The following GAS2L2 variants were observed in gnomAD, a reference collection of about 807,000 sequenced individuals.
GAS2L2 encodes GAS2-like protein 2.
Under a neutral mutation model 35.2 loss-of-function variants are expected in GAS2L2, and 21 were observed. The ratio of observed to expected loss-of-function variants is 0.60; its 90% CI spans 0.42 to 0.86. The LOEUF (loss-of-function observed/expected upper bound fraction) is 0.86, where lower values mean the gene tolerates loss of function less well. GAS2L2 is among the 40% of genes least tolerant of loss of function. The pLI is 0.00. For synonymous variants in GAS2L2, 490 were observed against 473.2 expected (o/e 1.04, Z -0.46); for missense variants, 1,169 against 1,144.4 (o/e 1.02, Z -0.31).
rs782503326 is a variant in GAS2L2 at position 35,746,302 on chromosome 17, A to C, written c.1195T>G (p.Ser399Ala). 5.1e-5 allele frequency: 73 copies of C among 1,421,608 alleles called. No individual in the cohort carries two copies. The highest frequency in any genetic ancestry group is 6.4e-5 in the Non-Finnish European group (69 of 1,084,218). The allele number at this position is 1,421,608 out of a possible 1,614,324, so 88.1% of individuals were successfully genotyped here. A position where few individuals can be genotyped will look rare whatever the true frequency, so the allele number is the denominator to read the frequency against. Reference protein sequence around the residue: ...TQKGRDPQCTSSGKREERYPP... With the variant: ...TQKGRDPQCTASGKREERYPP... ...TATCTCTCCTCCCTCTTTCCTGACG[A>C]GGTACACTGTGGGTCTCGGCCTTTT... The change falls in exon 6 of 6, where the codon TCG becomes GCG. Residue 399 changes from serine (S) to alanine (A), a missense_variant. Physicochemically the swap from Ser to Ala is moderately conservative, Grantham distance 99. This residue lies in a region of GAS2L2 where 1,035 missense variants were observed against 976.5 expected (regional missense o/e 1.06). Coordinates refer to ENST00000604641, the MANE Select transcript of GAS2L2 (RefSeq NM_139285.4).
Position 35,746,194 on chromosome 17 carries a change from G to A in GAS2L2, c.1303C>T (p.Pro435Ser). ...ATGGCTCGGAGTCTTTGTGGGGTGGGGTTCCCGGCGTCGGTTCCCCAGCTG... is the reference window on the plus strand; with the variant it reads ...ATGGCTCGGAGTCTTTGTGGGGTGGAGTTCCCGGCGTCGGTTCCCCAGCTG... ...TDSWGTDAGN[P>S]TPQRLRAIEA... Residue 435 changes from proline (P) to serine (S), a missense_variant, in exon 6 of 6, where the codon CCC becomes TCC. Pro to Ser is a moderately conservative substitution (Grantham distance 74). Coordinates refer to ENST00000604641, the MANE Select transcript of GAS2L2 (RefSeq NM_139285.4). 1 of 1,479,702 alleles carries A rather than the reference G, an allele frequency of 6.8e-7. No homozygotes were observed. 91.7% of individuals were successfully genotyped at this position (1,479,702 alleles called of 1,614,324 possible). A position where few individuals can be genotyped will look rare whatever the true frequency, so the allele number is the denominator to read the frequency against.
chr17:35,750,267 T>C lies in GAS2L2; in HGVS notation c.437A>G (p.Asn146Ser). 6.2e-7 allele frequency: 1 copy of C among 1,613,552 alleles called. No homozygotes were observed. The highest frequency in any genetic ancestry group is 2.2e-5 in the East Asian group (1 of 44,872). ...CAGCTCCAGCAAACACAGCACCACG[T>C]TCTTCACGTTCTTGCGCAGCACCAA... Reference protein sequence around the residue: ...EDLVLRKNVKNVVLCLLELGR... With the variant: ...EDLVLRKNVKSVVLCLLELGR... Residue 146 changes from asparagine (N) to serine (S), a missense_variant, in exon 2 of 6, where the codon AAC becomes AGC. Transcript: ENST00000604641.
At position 35,747,234 on chromosome 17, in the gene GAS2L2, G is replaced by A; in HGVS notation, c.867C>T (p.Ala289=). 1 of 1,612,954 alleles carries A rather than the reference G, an allele frequency of 6.2e-7. No homozygotes were observed. The highest frequency in any genetic ancestry group is 8.5e-7 in the Non-Finnish European group (1 of 1,179,398). The part of the protein sequence containing the change: ...HKPGSFLKPP[A]PPVQHEVRVQ... ...CCCTTACTTCATGCTGCACTGGTGG[G>A]GCCGGGGGCTTCAGGAAGCTGCCTG... is the stretch of plus-strand genomic sequence containing the variant. The change falls in exon 5 of 6, where the codon GCC becomes GCT. Residue 289 remains alanine (A), a synonymous_variant. Transcript: ENST00000604641.
intron 5 of GAS2L2, among the ~76,000 whole-genome samples, chr17:35,746,724 C>T (rs1157588707): frequency 6.6e-6 from 1 of 152,142 alleles, no homozygotes; most frequent in African/African-American, 2.4e-5. Flanking sequence ...AGTGGAGAGA[C>T]AGAGGGGAAT....
In GAS2L2 at chr17:35,752,817, T is replaced by C; in HGVS notation, c.34A>G (p.Arg12Gly). The change falls in exon 1 of 6, where the codon AGG becomes GGG. Residue 12 changes from arginine to glycine, a missense_variant. Arg to Gly is a moderately radical substitution (Grantham distance 125, BLOSUM62 -2). Coordinates refer to ENST00000604641, the MANE Select transcript of GAS2L2 (RefSeq NM_139285.4). ...CTGCACACAGGCGGCCCTAGGGTCCTGGGCTTCCTCCTGCCTCCCGCAGGC... is the reference window on the plus strand; with the variant it reads ...CTGCACACAGGCGGCCCTAGGGTCCCGGGCTTCCTCCTGCCTCCCGCAGGC... ...SQPAGGRRKPRTLGPPVCSIR... is the reference protein window; with the variant it reads ...SQPAGGRRKPGTLGPPVCSIR... The C allele has an allele frequency of 6.2e-7, 1 of 1,603,768 alleles. No homozygotes were observed. Among genetic ancestry groups the C allele is most frequent in the Non-Finnish European group, 8.5e-7 (1 of 1,172,426 alleles).
rs1175989170 is a variant in GAS2L2 at position 35,745,958 on chromosome 17, TGGG to T, written c.1536_1538del (p.Pro513del). 1 of 1,606,350 alleles carries T rather than the reference TGGG, an allele frequency of 6.2e-7. No homozygotes were observed. The highest frequency in any genetic ancestry group is 8.5e-7 in the Non-Finnish European group (1 of 1,174,826). On this transcript the variant is annotated inframe_deletion, in exon 6 of 6. Coordinates refer to ENST00000604641, the MANE Select transcript of GAS2L2 (RefSeq NM_139285.4). Reference sequence around the variant, plus strand: ...CACCAGGAAAGCTCCTTCCTGGTGTTGGGGGGCGAGCAGGGGGCAGCCGGATGG... The same window carrying T: ...CACCAGGAAAGCTCCTTCCTGGTGTTGGGCGAGCAGGGGGCAGCCGGATGG...
At position 35,753,123 on chromosome 17, in the gene GAS2L2, G is replaced by T. The variant is rs759436229; in HGVS notation, c.-273C>A. On this transcript the variant is annotated 5_prime_UTR_variant, in exon 1 of 6. Coordinates refer to ENST00000604641, the MANE Select transcript of GAS2L2 (RefSeq NM_139285.4). ...GCTCTCAGGCTGCCCAGTCCACTTG[G>T]AGTTCACCCCTCTGAGGCCAGATGG... Among the ~76,000 whole-genome samples the T allele has an allele frequency of 9.9e-4, 150 of 152,276 alleles. No homozygotes were observed. Among genetic ancestry groups the T allele is most frequent in the Non-Finnish European group, 1.8e-3 (123 of 68,028 alleles).
At chr17:35,751,952 G>A (rs1555599838) in intron 1 of GAS2L2, among the ~76,000 whole-genome samples, 1 of 148,144 alleles carries the variant, frequency 6.8e-6, no homozygotes, top group East Asian at 2.0e-4. Context: ...TGCCTCCTGG[G>A]TTCAGGCAAT....
At chr17:35,751,616 C>T (rs2085703648) in intron 1 of GAS2L2, among the ~76,000 whole-genome samples, 1 of 150,148 alleles carries the variant, frequency 6.7e-6, no homozygotes, top group South Asian at 2.1e-4. Context: ...TGCAGTGAGC[C>T]AAGATCGAAC....
intron 1 of GAS2L2, among the ~76,000 whole-genome samples, chr17:35,751,666 T>C (rs1178431764): frequency 1.5e-5 from 2 of 135,720 alleles, no homozygotes; most frequent in African/African-American, 5.4e-5. Flanking sequence ...AGACTCAGTT[T>C]CAAAAAAAAA....
chr17:35,747,916 T>A lies in GAS2L2; in HGVS notation c.765A>T (p.Val255=), dbSNP rs1555599258. The stretch of plus-strand genomic sequence containing the variant: ...GGCCCAGTGTGTCCCAGCCGCCCCC[T>A]ACACGTACCATCACATGGTTCCGGA... ...RILRNHVMVR[V]GGGWDTLGHY... Residue 255 remains valine, a synonymous_variant, in exon 4 of 6, where the codon GTA becomes GTT. Coordinates refer to ENST00000604641, the MANE Select transcript of GAS2L2 (RefSeq NM_139285.4). 6.2e-7 allele frequency: 1 copy of A among 1,613,830 alleles called. No individual in the cohort carries two copies. Among genetic ancestry groups the A allele is most frequent in the Admixed American group, 1.7e-5 (1 of 59,994 alleles).
chr17:35,751,497 A>G (rs925250401), intron 1 of GAS2L2, among the ~76,000 whole-genome samples: 3 of 151,980 alleles, frequency 2.0e-5, no homozygotes, highest in Non-Finnish European at 4.4e-5. Flanking sequence ...GTGAAACCCC[A>G]TTTCTACTAA....
chr17:35,752,890 C>A lies in GAS2L2; in HGVS notation c.-40G>T, dbSNP rs1555599998. 2 of 1,537,244 alleles carry A rather than the reference C, an allele frequency of 1.3e-6. No individual in the cohort carries two copies. Among genetic ancestry groups the A allele is most frequent in the South Asian group, 1.2e-5 (1 of 83,084 alleles). On this transcript the variant is annotated 5_prime_UTR_variant, in exon 1 of 6. Transcript: ENST00000604641. ...AGGGCAGGAGGTGGGCACCTCCCCT[C>A]TCCCACTGCCGCCTCTTTCCTCCCG... is the stretch of plus-strand genomic sequence containing the variant.
chr17:35,750,157 G>A lies in GAS2L2; in HGVS notation c.547C>T (p.Leu183=). The A allele has an allele frequency of 1.9e-6, 3 of 1,610,620 alleles. No individual in the cohort carries two copies. The highest frequency in any genetic ancestry group is 2.5e-6 in the Non-Finnish European group (3 of 1,178,526). ...EEIEEEVRRE[L]ALPPPDPSPP... Reference sequence around the variant, plus strand: ...GAGGGGTCGGGCGGGGGCAGGGCCAGCTCCCGCCGCACCTCCTCCTCGATC... The same window carrying A: ...GAGGGGTCGGGCGGGGGCAGGGCCAACTCCCGCCGCACCTCCTCCTCGATC... Residue 183 remains leucine, a synonymous_variant, in exon 2 of 6, where the codon CTG becomes TTG. Coordinates refer to ENST00000604641, the MANE Select transcript of GAS2L2 (RefSeq NM_139285.4).
Position 35,744,930 on chromosome 17 carries a change from G to A in GAS2L2, c.2567C>T (p.Pro856Leu), listed in dbSNP as rs376884715. ...KEPAAPLESS[P>L]QPPEGLQPHW... ...AGGTTGCAGGCCCTCTGGAGGTTGG[G>A]GGCTGCTCTCCAATGGAGCGGCTGG... Residue 856 changes from proline to leucine, a missense_variant, in exon 6 of 6, where the codon CCC becomes CTC. This residue lies in a region of GAS2L2 where 1,035 missense variants were observed against 976.5 expected (regional missense o/e 1.06). Coordinates refer to ENST00000604641, the MANE Select transcript of GAS2L2 (RefSeq NM_139285.4). The A allele has an allele frequency of 9.9e-6, 16 of 1,613,668 alleles. No homozygotes were observed. In the African/African-American group the frequency reaches 1.9e-4, roughly 19 times the overall value.
In GAS2L2 at chr17:35,745,771, A is replaced by T. The variant is rs1171346661; in HGVS notation, c.1726T>A (p.Trp576Arg). 1.9e-6 allele frequency: 3 copies of T among 1,613,702 alleles called. No individual in the cohort carries two copies. Among genetic ancestry groups the T allele is most frequent in the Non-Finnish European group, 2.5e-6 (3 of 1,180,048 alleles). The change falls in exon 6 of 6, where the codon TGG becomes AGG. Residue 576 changes from tryptophan (W) to arginine (R), a missense_variant. Trp to Arg is a moderately radical substitution (Grantham distance 101). This residue lies in a region of GAS2L2 where 1,035 missense variants were observed against 976.5 expected (regional missense o/e 1.06). Coordinates refer to ENST00000604641, the MANE Select transcript of GAS2L2 (RefSeq NM_139285.4). ...TCCTGCTCCTGTAGGCCCAGGTCCC[A>T]GGACTCTCTGGCCTCTGCCATGACC... ...IQVMAEARES[W>R]DLGLQEQEGR...
intron 2 of GAS2L2, 108 bp from the exon 3 acceptor site, chr17:35,749,325 TG>T: frequency 3.0e-6 from 2 of 656,304 alleles, no homozygotes; most frequent in Non-Finnish European, 5.3e-6. Context: ...AGGTCAGAGC[TG>T]GGGAATGAGA....
At chr17:35,749,023 C>A in intron 3 of GAS2L2, 87 bp downstream of exon 3, 4 of 784,904 alleles carry the variant, frequency 5.1e-6, no homozygotes, top group Non-Finnish European at 8.5e-6. Context: ...GGCAAGGTCC[C>A]ATATTCTGGG....
At chr17:35,751,651 G>C in intron 1 of GAS2L2, among the ~76,000 whole-genome samples, 1 of 147,784 alleles carries the variant, frequency 6.8e-6, no homozygotes, top group Non-Finnish European at 1.5e-5. Context: ...CTGGGTGACA[G>C]ATCTAGACTC....
Sources: gnomAD v4.1 joint callset for allele counts (sites outside exome capture counted in the v4.1 genomes callset) on GRCh38, gnomAD v4.1.1 for gene constraint, gnomAD v4.1.1 regional missense constraint, MANE v1.5 for transcripts, NCBI Gene and HGNC (gene_info 2026-07-23, HGNC 2026-07-21) for gene names.